Variants in THADA observed in about 807,000 individuals in gnomAD.
THADA encodes THADA armadillo repeat containing, also known as tRNA (32-2'-O)-methyltransferase regulator THADA.
In THADA, 213 loss-of-function variants were observed where a neutral mutation model predicts 219.8. That is an observed-to-expected ratio of 0.97 (90% confidence interval 0.87 to 1.09). The LOEUF (loss-of-function observed/expected upper bound fraction) is 1.09. Ranked by LOEUF, THADA falls within the 50% of genes least tolerant of loss-of-function variation. The pLI, the probability that THADA is intolerant of heterozygous loss-of-function variation, is 0.00. For missense variants in THADA, 2,956 were observed against 2,311.3 expected (o/e 1.28, Z -5.72); for synonymous variants, 1,018 against 828.9 (o/e 1.23, Z -3.92).
At position 43,375,164 on chromosome 2, in the gene THADA, C is replaced by T. The variant is rs117768371; in HGVS notation, c.4227+22807G>A. On this transcript the variant is annotated intron_variant, in intron 29 of 37. Transcript: ENST00000405975. ...GTAACATCTCTATTCCTTACAGCAT[C>T]GTTGCCAATTATGCGTTATTATTTT... Among the ~76,000 whole-genome samples, 18 of 152,310 alleles carry T rather than the reference C, an allele frequency of 1.2e-4. No homozygotes were observed. The East Asian group carries it at 2.3e-3, about 20-fold the overall frequency.
chr2:43,514,920 TAA>T (rs1399020321), intron 22 of THADA, among the ~76,000 whole-genome samples: 1 of 73,752 alleles, frequency 1.4e-5, no homozygotes, highest in Non-Finnish European at 2.3e-5. Flanking sequence ...ATTTTATGTA[TAA>T]TATATATTTT....
intron 30 of THADA, 131 bp from the exon 31 acceptor site, chr2:43,320,671 G>A (rs960917385): frequency 1.7e-6 from 1 of 592,994 alleles, no homozygotes; most frequent in African/African-American, 1.9e-5. Context: ...ATTAAGAAAT[G>A]ATGTACAATC....
At chr2:43,547,388 G>C (rs1176190496) in intron 20 of THADA, among the ~76,000 whole-genome samples, 1 of 152,174 alleles carries the variant, frequency 6.6e-6, no homozygotes, top group Non-Finnish European at 1.5e-5. Context: ...GGCGTTCTCT[G>C]TATTTCCTGA....
rs760992778 is a variant in THADA at position 43,428,133 on chromosome 2, A to C, written c.4025T>G (p.Leu1342Arg). The C allele has an allele frequency of 1.2e-6, 2 of 1,611,100 alleles. No homozygotes were observed. The highest frequency in any genetic ancestry group is 3.3e-5 in the Admixed American group (2 of 59,842). The stretch of plus-strand genomic sequence containing the variant: ...GAAGGGAACAAAAGGTCCCATGCTG[A>C]GAGCAGAAGAAGTACCATCCATCGG... ...ASPMDGTSSALSMGPFVPFIM... is the reference protein window; with the variant it reads ...ASPMDGTSSARSMGPFVPFIM... The change falls in exon 28 of 38, where the codon CTC becomes CGC. Residue 1342 changes from leucine to arginine, a missense_variant. Leu to Arg is a moderately radical substitution (Grantham distance 102). Transcript: ENST00000405975.
At chr2:43,246,289 G>A (rs895273400) in intron 36 of THADA, among the ~76,000 whole-genome samples, 2 of 152,200 alleles carry the variant, frequency 1.3e-5, no homozygotes, top group African/African-American at 4.8e-5. Context: ...GAGGTCAGGA[G>A]TTTGAGACCA....
At chr2:43,570,235 C>CCAAA (rs1263002238) in intron 14 of THADA, among the ~76,000 whole-genome samples, 153 bp downstream of exon 14, 1 of 152,072 alleles carries the variant, frequency 6.6e-6, no homozygotes, top group Non-Finnish European at 1.5e-5. Flanking sequence ...AAGTAGAGTA[C>CCAAA]CAAAGCACCA....
chr2:43,484,796 T>C (rs1033318147), intron 26 of THADA, among the ~76,000 whole-genome samples: 1 of 152,086 alleles, frequency 6.6e-6, no homozygotes, highest in Non-Finnish European at 1.5e-5. Flanking sequence ...AAGAGTTTAA[T>C]GCAAAGGTAA....
Position 43,527,946 on chromosome 2 carries a change from A to T in THADA, c.3307T>A (p.Ser1103Thr). 6.2e-7 allele frequency: 1 copy of T among 1,613,720 alleles called. No homozygotes were observed. The highest frequency in any genetic ancestry group is 8.5e-7 in the Non-Finnish European group (1 of 1,179,762). The change falls in exon 22 of 38, where the codon TCC (serine) becomes ACC (threonine). Residue 1103 changes from serine (S) to threonine (T), a missense_variant. Physicochemically the swap from Ser to Thr is moderately conservative, Grantham distance 58. Transcript: ENST00000405975. ...GDYFKQHLLQ[S>T]RHRGAFELAY... The stretch of plus-strand genomic sequence containing the variant: ...AATTCAAATGCTCCTCTGTGCCTGG[A>T]CTGCAAAAGGTGTTGTTTAAAGTAA...
At chr2:43,442,309 G>A (rs1052255094) in intron 26 of THADA, among the ~76,000 whole-genome samples, 4 of 152,068 alleles carry the variant, frequency 2.6e-5, no homozygotes, top group Admixed American at 6.5e-5. Flanking sequence ...GGTGGTGCGT[G>A]CCTGTAATCC....
chr2:43,563,287 A>G (rs1385221022), intron 15 of THADA: 1 of 152,096 alleles, frequency 6.6e-6, no homozygotes, highest in Non-Finnish European at 1.5e-5. Context: ...AACTTCCTTC[A>G]TGATTTATTC....
chr2:43,239,069 A>AGTGGGATTAACATGTGGTCAT (rs1668355746), intron 36 of THADA, among the ~76,000 whole-genome samples: 2 of 152,332 alleles, frequency 1.3e-5, no homozygotes, highest in African/African-American at 4.8e-5. Flanking sequence ...GGCCTACACA[A>AGTGGGATTAACATGTGGTCAT]GTGGGATTAA....
At chr2:43,327,288 C>A (rs1679441677) in intron 30 of THADA, among the ~76,000 whole-genome samples, 2 of 152,072 alleles carry the variant, frequency 1.3e-5, no homozygotes, top group African/African-American at 4.8e-5. Flanking sequence ...CTGTTCTCAA[C>A]CACAATAAGC....
At chr2:43,528,093 T>C in intron 21 of THADA, 105 bp from the exon 22 acceptor site, 1 of 725,624 alleles carries the variant, frequency 1.4e-6, no homozygotes, top group Non-Finnish European at 2.3e-6. Context: ...TCCATTCATT[T>C]AGCGCTTACC....
At chr2:43,301,000 A>G (rs1026403871) in intron 31 of THADA, among the ~76,000 whole-genome samples, 3 of 152,196 alleles carry the variant, frequency 2.0e-5, no homozygotes, top group Admixed American at 6.5e-5. Flanking sequence ...GCCCTCAAGT[A>G]AAGGTAATGA....
At chr2:43,377,322 T>G (rs1372554903) in intron 29 of THADA, among the ~76,000 whole-genome samples, 1 of 152,134 alleles carries the variant, frequency 6.6e-6, no homozygotes, top group African/African-American at 2.4e-5. Context: ...AACAAGGGAT[T>G]TGAAAATTCA....
At chr2:43,297,863 G>A (rs1384649933) in intron 31 of THADA, among the ~76,000 whole-genome samples, 2 of 113,870 alleles carry the variant, frequency 1.8e-5, no homozygotes, top group Admixed American at 7.8e-5. Context: ...CGCCCCGTCC[G>A]GGAGGTGAGG....
chr2:43,436,274 A>C (rs1680089361), intron 26 of THADA, among the ~76,000 whole-genome samples: 1 of 152,202 alleles, frequency 6.6e-6, no homozygotes, highest in African/African-American at 2.4e-5. Context: ...TAACCTTGAC[A>C]CCTGGGAAGA....
intron 29 of THADA, among the ~76,000 whole-genome samples, chr2:43,380,710 C>T (rs1671907063): frequency 6.6e-6 from 1 of 152,144 alleles, no homozygotes; most frequent in African/African-American, 2.4e-5. Flanking sequence ...ATACCATTCT[C>T]CAATAAAAGA....
Position 43,574,381 on chromosome 2 carries a change from G to A in THADA, c.1684C>T (p.Gln562Ter), listed in dbSNP as rs1699616268. 1 of 1,606,658 alleles carries A rather than the reference G, an allele frequency of 6.2e-7. No individual in the cohort carries two copies. Among genetic ancestry groups the A allele is most frequent in the Non-Finnish European group, 8.5e-7 (1 of 1,176,522 alleles). ...KLLSYSPESLQYMVKILQTSI... is the reference protein window; with the variant it reads ...KLLSYSPESL ...GTCTGAAGAATCTTTACCATGTACTGTAAGCTTTCAGGGCTGTAACTTAAT... is the reference window on the plus strand; with the variant it reads ...GTCTGAAGAATCTTTACCATGTACTATAAGCTTTCAGGGCTGTAACTTAAT... The change falls in exon 11 of 38, where the codon CAG becomes TAG. Residue 562 changes from glutamine (Q) to a stop codon, truncating the protein, a stop_gained. Transcript: ENST00000405975. LOFTEE classifies it high-confidence loss of function.
Sources: gnomAD v4.1 joint callset for allele counts (sites outside exome capture counted in the v4.1 genomes callset) on GRCh38, gnomAD v4.1.1 for gene constraint, MANE v1.5 for transcripts, NCBI Gene and HGNC (gene_info 2026-07-23, HGNC 2026-07-21) for gene names.